ABCC1: variants seen among roughly 807,000 people sequenced by gnomAD.
The protein encoded by ABCC1 is ATP binding cassette subfamily C member 1 (ABCC1 blood group), also known as multidrug resistance-associated protein 1.
ABCC1 carries 83 observed loss-of-function variants against 172.9 expected under a neutral mutation model. The ratio of observed to expected loss-of-function variants is 0.48; its 90% CI spans 0.40 to 0.58. The LOEUF (loss-of-function observed/expected upper bound fraction) is 0.58, where lower values mean the gene tolerates loss of function less well. Among genes scored for constraint, ABCC1 ranks in the 20% least tolerant of loss-of-function variants. ABCC1 has a pLI of 0.00. For synonymous variants in ABCC1, 937 were observed against 825.2 expected (o/e 1.14, Z -2.32); for missense variants, 1,817 against 2,002.7 (o/e 0.91, Z 1.77).
chr16:16,120,628 G>A (rs1233222117), intron 23 of ABCC1, among the ~76,000 whole-genome samples: 1 of 152,156 alleles, frequency 6.6e-6, no homozygotes, highest in African/African-American at 2.4e-5. Flanking sequence ...AGGGCTTCCC[G>A]AGGAAGTGAC....
chr16:16,020,523 C>G (rs2048160031), intron 5 of ABCC1, among the ~76,000 whole-genome samples: 1 of 152,200 alleles, frequency 6.6e-6, no homozygotes, highest in Non-Finnish European at 1.5e-5. Flanking sequence ...GCGTTCATCA[C>G]ATAGTGTCTA....
intron 1 of ABCC1, among the ~76,000 whole-genome samples, chr16:15,978,966 A>T (rs938847727): frequency 6.6e-6 from 1 of 152,168 alleles, no homozygotes; most frequent in Non-Finnish European, 1.5e-5. Flanking sequence ...GCAACAAGCA[A>T]CATATTAATA....
At chr16:15,957,895 CA>C (rs2046035793) in intron 1 of ABCC1, among the ~76,000 whole-genome samples, 1 of 151,952 alleles carries the variant, frequency 6.6e-6, no homozygotes, top group African/African-American at 2.4e-5. Context: ...GCCCGCCCTA[CA>C]ATGTTTATTC....
chr16:16,067,080 G>C (rs1160816637), intron 12 of ABCC1, among the ~76,000 whole-genome samples: 1 of 151,014 alleles, frequency 6.6e-6, no homozygotes, highest in Non-Finnish European at 1.5e-5. Context: ...GGGAGACCCT[G>C]TCTCTACAAA....
intron 12 of ABCC1, among the ~76,000 whole-genome samples, chr16:16,061,763 T>C (rs1469155175): frequency 6.8e-6 from 1 of 147,706 alleles, no homozygotes; most frequent in Non-Finnish European, 1.5e-5. Context: ...GCTTTTTTTT[T>C]CTTTTTTTCT....
rs1441559161 is a variant in ABCC1 at position 16,053,229 on chromosome 16, T to TC, written c.1473+418dup. On this transcript the variant is annotated intron_variant, in intron 11 of 30. Transcript: ENST00000399410. The stretch of plus-strand genomic sequence containing the variant: ...GAGTACAAATTACCCCCTACTTTTT[T>TC]CCCCCTTATTAGCTCTTACCTTATA... 3.3e-5 allele frequency among the ~76,000 whole-genome samples: 5 copies of TC among 149,900 alleles called. No homozygotes were observed. The East Asian group carries it at 9.7e-4, about 29-fold the overall frequency.
chr16:16,076,380 G>C lies in ABCC1; in HGVS notation c.1967G>C (p.Ser656Thr), dbSNP rs1423129770. The stretch of plus-strand genomic sequence containing the variant: ...AATGCCACATTCACCTGGGCCAGGA[G>C]CGACCCTCCCACACTGAATGGGTAA... ...VRNATFTWAR[S>T]DPPTLNGITF... is the part of the protein sequence containing the mutation. The change falls in exon 15 of 31, where the codon AGC becomes ACC. Residue 656 changes from serine to threonine, a missense_variant. Ser to Thr is a moderately conservative substitution (Grantham distance 58). Coordinates refer to ENST00000399410, the MANE Select transcript of ABCC1 (RefSeq NM_004996.4). The C allele has an allele frequency of 5.0e-6, 8 of 1,611,352 alleles. No individual in the cohort carries two copies. The East Asian group carries it at 1.8e-4, about 36-fold the overall frequency.
At chr16:16,089,076 A>G (rs1309196457) in intron 18 of ABCC1, among the ~76,000 whole-genome samples, 1 of 152,182 alleles carries the variant, frequency 6.6e-6, no homozygotes, top group Non-Finnish European at 1.5e-5. Context: ...TGGCAACTGT[A>G]AGATCCATAA....
chr16:16,037,280 G>T (rs1006344912), intron 7 of ABCC1, among the ~76,000 whole-genome samples: 4 of 152,162 alleles, frequency 2.6e-5, no homozygotes, highest in Non-Finnish European at 5.9e-5. Flanking sequence ...GACCACGTAA[G>T]TCTGTTTAGC....
chr16:16,036,973 A>G (rs1489460480), intron 7 of ABCC1, among the ~76,000 whole-genome samples: 2 of 152,050 alleles, frequency 1.3e-5, no homozygotes, highest in Admixed American at 6.6e-5. Flanking sequence ...GCATGGTGGC[A>G]GGCGCCTGTA....
intron 21 of ABCC1, among the ~76,000 whole-genome samples, chr16:16,108,659 A>G (rs2052251791): frequency 6.7e-6 from 1 of 149,072 alleles, no homozygotes; most frequent in Non-Finnish European, 1.5e-5. Flanking sequence ...GCAGTGGCAC[A>G]ATCATGGCTA....
In ABCC1 at chr16:16,099,121, T is replaced by C. The variant is rs138685997; in HGVS notation, c.2645-3506T>C. Among the ~76,000 whole-genome samples, 241 of 152,366 alleles carry C rather than the reference T, an allele frequency of 1.6e-3. 2 individuals are homozygous for C. The highest frequency in any genetic ancestry group is 5.4e-3 in the African/African-American group (225 of 41,584). ...TACAGCCTGAGTCCCCAGATCCCTT[T>C]ATTGTCACTGATGACCTTGGGTAAG... On this transcript the variant is annotated intron_variant, in intron 19 of 30. Coordinates refer to ENST00000399410, the MANE Select transcript of ABCC1 (RefSeq NM_004996.4).
intron 19 of ABCC1, among the ~76,000 whole-genome samples, chr16:16,094,960 G>C (rs2051411812): frequency 6.6e-6 from 1 of 151,912 alleles, no homozygotes; most frequent in African/African-American, 2.4e-5. Context: ...TGGAGTTACA[G>C]GCATGTGCCA....
At chr16:15,964,130 A>C (rs573287223) in intron 1 of ABCC1, among the ~76,000 whole-genome samples, 19 of 151,904 alleles carry the variant, frequency 1.3e-4, no homozygotes, top group Non-Finnish European at 2.8e-4. Flanking sequence ...TTTTGTAGAG[A>C]CAGGATTTCA....
chr16:16,067,142 C>T (rs45440695), intron 12 of ABCC1, among the ~76,000 whole-genome samples: 13,747 of 151,994 alleles, frequency 0.09, 730 homozygotes, highest in East Asian at 0.19. Flanking sequence ...CCTAGCTACT[C>T]GGGAGGCTGA....
At chr16:16,062,265 C>T (rs1434641347) in intron 12 of ABCC1, among the ~76,000 whole-genome samples, 1 of 152,224 alleles carries the variant, frequency 6.6e-6, no homozygotes, top group Non-Finnish European at 1.5e-5. Flanking sequence ...CTTTGCTTAT[C>T]ACTTCCTGCC....
intron 3 of ABCC1, among the ~76,000 whole-genome samples, chr16:16,013,303 C>A (rs572019049): frequency 2.8e-4 from 42 of 150,652 alleles, no homozygotes; most frequent in Non-Finnish European, 5.8e-4. Flanking sequence ...TAGCGTCTCA[C>A]TCTGTCGCCC....
chr16:16,114,332 A>G (rs956021832), intron 22 of ABCC1, among the ~76,000 whole-genome samples: 29 of 151,856 alleles, frequency 1.9e-4, no homozygotes, highest in Admixed American at 1.8e-3. Context: ...TATCATCATC[A>G]TTATTATTAC....
intron 5 of ABCC1, among the ~76,000 whole-genome samples, chr16:16,024,907 C>T (rs1026797513): frequency 3.3e-5 from 5 of 152,214 alleles, no homozygotes; most frequent in African/African-American, 1.2e-4. Flanking sequence ...GGGCCAGGTG[C>T]GTGGCTCACA....
Sources: gnomAD v4.1 joint callset for allele counts (sites outside exome capture counted in the v4.1 genomes callset) on GRCh38, gnomAD v4.1.1 for gene constraint, MANE v1.5 for transcripts, NCBI Gene and HGNC (gene_info 2026-07-23, HGNC 2026-07-21) for gene names.